Variants in SIK3 observed in about 807,000 individuals in gnomAD.
SIK3 encodes SIK family kinase 3.
A neutral mutation model predicts 144.2 loss-of-function variants in SIK3; 28 were observed. The observed-to-expected ratio is 0.19, with a 90% CI of 0.14 to 0.27. The LOEUF is 0.27. SIK3 is among the 10% of genes least tolerant of loss of function. The pLI is 1.00. For synonymous variants in SIK3, 686 were observed against 676.3 expected (o/e 1.01, Z -0.22); for missense variants, 1,319 against 1,776.0 (o/e 0.74, Z 4.62).
At chr11:117,068,094 T>A (rs1954097412) in intron 1 of SIK3, among the ~76,000 whole-genome samples, 1 of 152,168 alleles carries the variant, frequency 6.6e-6, no homozygotes. Flanking sequence ...ATGTAAAGGC[T>A]ACAAAGTCAA....
rs1944075025 is a variant in SIK3, at chr11:116,873,553, G to A, written c.1665C>T (p.Ala555=). The A allele has an allele frequency of 6.2e-7, 1 of 1,612,656 alleles. No homozygotes were observed. The highest frequency in any genetic ancestry group is 8.5e-7 in the Non-Finnish European group (1 of 1,179,452). ...PLGRRASDGG[A]NIQLHAQQLL... ...GCTGCTGGGCATGCAGTTGGATGTT[G>A]GCTCCTCCATCTGATGCCCTCCGGC... is the stretch of plus-strand genomic sequence containing the variant. Residue 555 remains alanine (A), a synonymous_variant, in exon 13 of 25, where the codon GCC becomes GCT. Transcript: ENST00000445177.
chr11:116,964,639 G>C (rs908001791), intron 1 of SIK3, among the ~76,000 whole-genome samples: 4 of 152,160 alleles, frequency 2.6e-5, no homozygotes, highest in African/African-American at 9.7e-5. Flanking sequence ...CCAGCACTTT[G>C]GGAGGCCGAG....
intron 1 of SIK3, among the ~76,000 whole-genome samples, chr11:117,080,372 C>T (rs1055083160): frequency 2.6e-5 from 4 of 152,142 alleles, no homozygotes; most frequent in African/African-American, 9.7e-5. Context: ...AAGCATTCCA[C>T]TTCTAGTAAA....
At chr11:116,977,321 T>C (rs1949982603) in intron 1 of SIK3, among the ~76,000 whole-genome samples, 2 of 144,608 alleles carry the variant, frequency 1.4e-5, no homozygotes, top group African/African-American at 5.1e-5. Flanking sequence ...GCTCAAGGCA[T>C]CCTCCCTCCT....
At chr11:116,981,467 C>T (rs1950138748) in intron 1 of SIK3, among the ~76,000 whole-genome samples, 1 of 152,186 alleles carries the variant, frequency 6.6e-6, no homozygotes, top group Admixed American at 6.5e-5. Context: ...GAAATAATAT[C>T]ACTTCTGTCA....
chr11:116,975,892 T>C (rs1046117408), intron 1 of SIK3, among the ~76,000 whole-genome samples: 1 of 152,222 alleles, frequency 6.6e-6, no homozygotes, highest in African/African-American at 2.4e-5. Context: ...TGTCCATCTT[T>C]TTTTATTACA....
intron 3 of SIK3, among the ~76,000 whole-genome samples, chr11:116,940,873 A>C (rs949203921): frequency 3.3e-5 from 5 of 152,152 alleles, no homozygotes; most frequent in Middle Eastern, 3.2e-3. Flanking sequence ...AATAATAATA[A>C]ATGGGAAATT....
At chr11:117,096,621 T>A (rs1339596050) in intron 1 of SIK3, among the ~76,000 whole-genome samples, 1 of 152,026 alleles carries the variant, frequency 6.6e-6, no homozygotes, top group Admixed American at 6.6e-5. Context: ...CTGGAGGCCC[T>A]GTGATAAAAA....
rs1565345738 is a variant in SIK3 at position 116,844,646 on chromosome 11, A to G, written c.*997T>C. The G allele has an allele frequency of 0.099, 10,810 of 108,834 alleles. 1,634 individuals are homozygous for G. The highest frequency in any genetic ancestry group is 0.38 in the African/African-American group (10,252 of 27,234). 6.7% of individuals were successfully genotyped at this position (108,834 alleles called of 1,614,324 possible). A position where few individuals can be genotyped will look rare whatever the true frequency, so the allele number is the denominator to read the frequency against. On this transcript the variant is annotated 3_prime_UTR_variant, in exon 25 of 25. Transcript: ENST00000445177. ...ATATATATAATATATTATATTATAT[A>G]TTATATATATAATATATATATACAC...
At chr11:117,076,010 G>A (rs1400036711) in intron 1 of SIK3, among the ~76,000 whole-genome samples, 1 of 151,656 alleles carries the variant, frequency 6.6e-6, no homozygotes, top group Non-Finnish European at 1.5e-5. Context: ...CACCATGGCT[G>A]GCTAATTTTT....
intron 1 of SIK3, among the ~76,000 whole-genome samples, chr11:116,993,478 C>G (rs968179650): frequency 6.6e-6 from 1 of 152,042 alleles, no homozygotes; most frequent in African/African-American, 2.4e-5. Context: ...TGGATGAAAC[C>G]CTGTTATAAC....
At chr11:116,931,958 C>T (rs892097263) in intron 3 of SIK3, among the ~76,000 whole-genome samples, 1 of 152,208 alleles carries the variant, frequency 6.6e-6, no homozygotes, top group African/African-American at 2.4e-5. Context: ...CTACCTCTTA[C>T]CGGGCTTCTT....
At chr11:116,917,143 A>G (rs964506606) in intron 4 of SIK3, among the ~76,000 whole-genome samples, 2 of 151,886 alleles carry the variant, frequency 1.3e-5, no homozygotes, top group Admixed American at 1.3e-4. Flanking sequence ...ACACAACACA[A>G]TAAAGACTCC....
At chr11:116,945,690 A>C (rs148210823) in intron 3 of SIK3, among the ~76,000 whole-genome samples, 62 of 152,204 alleles carry the variant, frequency 4.1e-4, no homozygotes, top group Middle Eastern at 3.4e-3. Context: ...GTAAACTCTA[A>C]ACAGGATCAG....
At position 116,988,275 on chromosome 11, in the gene SIK3, A is replaced by T. The variant is rs1221690043; in HGVS notation, c.274-31211T>A. Among the ~76,000 whole-genome samples, 3 of 152,180 alleles carry T rather than the reference A, an allele frequency of 2.0e-5. No individual in the cohort carries two copies. The East Asian group carries it at 5.8e-4, about 29-fold the overall frequency. Reference sequence around the variant, plus strand: ...GTGGCAGGCGCCTGTAGTCCCAGCTACTAGGGAGGCTAAGGCAGGAGAATG... The same window carrying T: ...GTGGCAGGCGCCTGTAGTCCCAGCTTCTAGGGAGGCTAAGGCAGGAGAATG... On this transcript the variant is annotated intron_variant, in intron 1 of 24. Coordinates refer to ENST00000445177, the MANE Select transcript of SIK3 (RefSeq NM_001366686.3).
At chr11:116,983,295 G>C (rs1411882472) in intron 1 of SIK3, among the ~76,000 whole-genome samples, 1 of 150,942 alleles carries the variant, frequency 6.6e-6, no homozygotes, top group African/African-American at 2.4e-5. Flanking sequence ...ACTTTGGAAG[G>C]CTGAGGTGGA....
intron 1 of SIK3, among the ~76,000 whole-genome samples, chr11:117,054,904 G>T (rs1448072884): frequency 6.6e-6 from 1 of 152,056 alleles, no homozygotes; most frequent in African/African-American, 2.4e-5. Flanking sequence ...TTTCTGGGCA[G>T]AACAGGACAA....
chr11:117,082,827 G>A (rs1751506585), intron 1 of SIK3, among the ~76,000 whole-genome samples: 1 of 152,130 alleles, frequency 6.6e-6, no homozygotes, highest in Middle Eastern at 3.2e-3. Flanking sequence ...AGCCCCCTGA[G>A]GTTAAGTAAT....
intron 1 of SIK3, among the ~76,000 whole-genome samples, chr11:117,012,992 C>A (rs1382030918): frequency 6.6e-6 from 1 of 151,760 alleles, no homozygotes; most frequent in African/African-American, 2.4e-5. Context: ...GCTGGGACTA[C>A]AAGCGCCCGC....
Sources: allele counts gnomAD v4.1 joint callset (sites outside exome capture counted in the v4.1 genomes callset), GRCh38; gene constraint gnomAD v4.1.1; transcripts MANE v1.5; gene names NCBI Gene and HGNC (gene_info 2026-07-23, HGNC 2026-07-21).